CENPC: variants seen among roughly 807,000 people sequenced by gnomAD.
The protein encoded by CENPC is centromere protein C, also known as CENP-C 1.
In CENPC, 63 loss-of-function variants were observed where a neutral mutation model predicts 112.1. That is an observed-to-expected ratio of 0.56 (90% CI 0.46 to 0.69). The LOEUF (loss-of-function observed/expected upper bound fraction) is 0.69, where lower values mean the gene tolerates loss of function less well. Ranked by LOEUF, CENPC falls within the 30% of genes least tolerant of loss-of-function variation. The probability of loss-of-function intolerance (pLI) is 0.00; values close to 1 mark genes in which losing one functional copy is unlikely to be tolerated. For missense variants in CENPC, 1,000 were observed against 1,103.8 expected (o/e 0.91, Z 1.33); for synonymous variants, 333 against 367.6 (o/e 0.91, Z 1.08).
intron 9 of CENPC, chr4:67,511,050 A>C (rs755335219): frequency 3.9e-5 from 18 of 456,036 alleles, no homozygotes; most frequent in Admixed American, 2.4e-5. Context: ...TGAGTTCCCC[A>C]AAGCAGTAAC....
At chr4:67,476,680 G>A (rs1724813783) in intron 17 of CENPC, among the ~76,000 whole-genome samples, 1 of 152,210 alleles carries the variant, frequency 6.6e-6, no homozygotes, top group African/African-American at 2.4e-5. Context: ...TTGGGGGAAG[G>A]GCGAATAGGA....
intron 2 of CENPC, among the ~76,000 whole-genome samples, chr4:67,543,668 A>G (rs1269518597): frequency 6.6e-6 from 1 of 152,218 alleles, no homozygotes; most frequent in Admixed American, 6.5e-5. Flanking sequence ...GTTATTCATA[A>G]TAACATCTTC....
rs1725921075 is a variant in CENPC, at chr4:67,512,465, C to G, written c.1549G>C (p.Val517Leu). The change falls in exon 9 of 19, where the codon GTC becomes CTC. Residue 517 changes from valine to leucine, a missense_variant. Val to Leu is a conservative substitution (Grantham distance 32). Transcript: ENST00000273853. ...KLVPEEVTST[V>L]TKSRRISRRP... ...CTGGAAATTCTTCGACTTTTCGTGA[C>G]AGTTGAAGTCACTTCTTCAGGTACA... 2 of 1,600,678 alleles carry G rather than the reference C, an allele frequency of 1.2e-6. No individual in the cohort carries two copies. Among genetic ancestry groups the G allele is most frequent in the South Asian group, 2.3e-5 (2 of 88,174 alleles).
At chr4:67,474,719 C>A in intron 18 of CENPC, 169 bp downstream of exon 18, 1 of 588,222 alleles carries the variant, frequency 1.7e-6, no homozygotes, top group Admixed American at 3.6e-5. Flanking sequence ...AAAACCACCA[C>A]AAAATGCTAA....
At chr4:67,495,453 G>A (rs1275498946) in intron 12 of CENPC, among the ~76,000 whole-genome samples, 3 of 152,110 alleles carry the variant, frequency 2.0e-5, no homozygotes, top group Non-Finnish European at 4.4e-5. Context: ...TTTTGTGGTT[G>A]TTCTGTTTTG....
chr4:67,476,396 G>A (rs1246775330), intron 17 of CENPC, among the ~76,000 whole-genome samples: 1 of 152,184 alleles, frequency 6.6e-6, no homozygotes, highest in Non-Finnish European at 1.5e-5. Context: ...TGGGGAAGCT[G>A]AAAATCCAGG....
chr4:67,493,989 C>T lies in CENPC; in HGVS notation c.2186-1G>A. 1.2e-6 allele frequency: 2 copies of T among 1,601,414 alleles called. No homozygotes were observed. Among genetic ancestry groups the T allele is most frequent in the Non-Finnish European group, 1.7e-6 (2 of 1,172,664 alleles). On this transcript the variant is annotated splice_acceptor_variant, in intron 13 of 18. Coordinates refer to ENST00000273853, the MANE Select transcript of CENPC (RefSeq NM_001812.4). LOFTEE classifies it high-confidence loss of function. Reference sequence around the variant, plus strand: ...ACATTTGGTGTGTTGGAGGGCAATACTATAAAAAGATGTCAGACAAAAGTG... The same window carrying T: ...ACATTTGGTGTGTTGGAGGGCAATATTATAAAAAGATGTCAGACAAAAGTG...
intron 1 of CENPC, 99 bp from the exon 2 acceptor site, chr4:67,544,294 C>A: frequency 1.5e-6 from 1 of 664,190 alleles, no homozygotes; most frequent in East Asian, 2.8e-5. Context: ...TGCTATACAC[C>A]AAACATCTCC....
chr4:67,480,205 G>C (rs1724914940), intron 17 of CENPC, among the ~76,000 whole-genome samples: 1 of 152,110 alleles, frequency 6.6e-6, no homozygotes. Context: ...TGTAATCCCA[G>C]CTACTTGGGA....
intron 17 of CENPC, 121 bp downstream of exon 17, chr4:67,489,846 C>T: frequency 1.3e-6 from 1 of 790,074 alleles, no homozygotes; most frequent in Non-Finnish European, 1.9e-6. Context: ...AAAAACCTTT[C>T]TCTGTGTGGT....
At chr4:67,526,856 T>A (rs1336237917) in intron 5 of CENPC, among the ~76,000 whole-genome samples, 2 of 152,192 alleles carry the variant, frequency 1.3e-5, no homozygotes, top group African/African-American at 4.8e-5. Flanking sequence ...ACATTTTTTT[T>A]AAATGCCCAT....
At chr4:67,490,430 T>C (rs1725208749) in intron 16 of CENPC, among the ~76,000 whole-genome samples, 2 of 152,194 alleles carry the variant, frequency 1.3e-5, no homozygotes, top group Non-Finnish European at 2.9e-5. Context: ...AACGAGTTAA[T>C]GTGTGTAAAC....
chr4:67,530,232 C>T (rs1453747716), intron 5 of CENPC, among the ~76,000 whole-genome samples: 1 of 152,116 alleles, frequency 6.6e-6, no homozygotes, highest in East Asian at 1.9e-4. Flanking sequence ...CATAAAGGTG[C>T]TCAAACTCTG....
At chr4:67,481,413 C>A (rs1161891197) in intron 17 of CENPC, among the ~76,000 whole-genome samples, 2 of 152,064 alleles carry the variant, frequency 1.3e-5, no homozygotes, top group Non-Finnish European at 2.9e-5. Flanking sequence ...TCCTAAAATT[C>A]ATTATGGAAC....
At chr4:67,481,518 A>G (rs1434287269) in intron 17 of CENPC, among the ~76,000 whole-genome samples, 1 of 152,220 alleles carries the variant, frequency 6.6e-6, no homozygotes, top group Non-Finnish European at 1.5e-5. Context: ...CTATAAACAT[A>G]TAGTTACCAA....
intron 12 of CENPC, among the ~76,000 whole-genome samples, chr4:67,500,749 G>A (rs1408171165): frequency 1.3e-5 from 2 of 152,042 alleles, no homozygotes; most frequent in East Asian, 1.9e-4. Context: ...ATTGGCATGC[G>A]GGAGAAAAAC....
chr4:67,537,862 T>C (rs1001786939), intron 4 of CENPC, among the ~76,000 whole-genome samples: 3 of 152,100 alleles, frequency 2.0e-5, no homozygotes, highest in Admixed American at 1.3e-4. Context: ...TATGCACCTA[T>C]AGTCCTAGGT....
At chr4:67,506,592 A>C (rs866401553) in intron 11 of CENPC, among the ~76,000 whole-genome samples, 196 bp downstream of exon 11, 8 of 152,206 alleles carry the variant, frequency 5.3e-5, no homozygotes, top group African/African-American at 1.4e-4. Context: ...AAAACCAGAA[A>C]GATGACTGCT....
chr4:67,481,632 A>G (rs917380920), intron 17 of CENPC, among the ~76,000 whole-genome samples: 7 of 152,180 alleles, frequency 4.6e-5, no homozygotes, highest in Non-Finnish European at 8.8e-5. Flanking sequence ...CAACAAAGCA[A>G]ACAAAAACAC....
Sources: allele counts gnomAD v4.1 joint callset (sites outside exome capture counted in the v4.1 genomes callset), GRCh38; gene constraint gnomAD v4.1.1; transcripts MANE v1.5; gene names NCBI Gene and HGNC (gene_info 2026-07-23, HGNC 2026-07-21).